ANO2: variants seen among roughly 807,000 people sequenced by gnomAD.
The protein encoded by ANO2 is anoctamin-2.
In ANO2, 101 loss-of-function variants were observed where a neutral mutation model predicts 124.2. The observed-to-expected ratio is 0.81, with a 90% CI of 0.69 to 0.96. The LOEUF (loss-of-function observed/expected upper bound fraction) is 0.96, where lower values mean the gene tolerates loss of function less well. ANO2 is among the 40% of genes least tolerant of loss of function. The probability of loss-of-function intolerance (pLI) is 0.00; values close to 1 mark genes in which losing one functional copy is unlikely to be tolerated. For synonymous variants in ANO2, 486 were observed against 482.5 expected (o/e 1.01, Z -0.09); for missense variants, 1,293 against 1,274.5 (o/e 1.01, Z -0.22).
chr12:5,775,258 GA>G (rs1236910805), intron 10 of ANO2, among the ~76,000 whole-genome samples: 2 of 151,816 alleles, frequency 1.3e-5, no homozygotes, highest in African/African-American at 4.8e-5. Context: ...TAAGAGAATA[GA>G]AATAATTACG....
chr12:5,796,110 C>A (rs1019006960), intron 10 of ANO2, among the ~76,000 whole-genome samples: 1 of 152,088 alleles, frequency 6.6e-6, no homozygotes, highest in African/African-American at 2.4e-5. Context: ...CTCTAGGGAA[C>A]TTTCCAGAGA....
At chr12:5,838,485 A>G (rs1271146615) in intron 4 of ANO2, among the ~76,000 whole-genome samples, 1 of 152,110 alleles carries the variant, frequency 6.6e-6, no homozygotes, top group African/African-American at 2.4e-5. Flanking sequence ...CCACAATAAA[A>G]CACACATAGG....
At position 5,638,852 on chromosome 12, in the gene ANO2, T is replaced by C. The variant is rs574589191; in HGVS notation, c.1621-3505A>G. On this transcript the variant is annotated intron_variant, in intron 15 of 24. Coordinates refer to ENST00000682330, the MANE Select transcript of ANO2 (RefSeq NM_001364791.2). ...TCTGGGACATAAACAAAATGCAACA[T>C]AAGCCAGGCTACAGAGTCCAGAGTC... is the stretch of plus-strand genomic sequence containing the variant. 3.9e-5 allele frequency among the ~76,000 whole-genome samples: 6 copies of C among 152,196 alleles called. No homozygotes were observed. In the East Asian group the frequency reaches 1.2e-3, roughly 30 times the overall value.
At chr12:5,569,588 G>A (rs1232670113) in intron 23 of ANO2, among the ~76,000 whole-genome samples, 1 of 152,168 alleles carries the variant, frequency 6.6e-6, no homozygotes, top group Admixed American at 6.5e-5. Flanking sequence ...CTACCTGTAA[G>A]AGACCGAGGA....
chr12:5,696,316 T>C (rs1187462373), intron 14 of ANO2, among the ~76,000 whole-genome samples: 1 of 152,130 alleles, frequency 6.6e-6, no homozygotes, highest in African/African-American at 2.4e-5. Context: ...AAAGGCAACA[T>C]AATTGCAGAT....
At chr12:5,641,058 G>A (rs1946355083) in intron 15 of ANO2, among the ~76,000 whole-genome samples, 1 of 152,168 alleles carries the variant, frequency 6.6e-6, no homozygotes, top group Admixed American at 6.5e-5. Flanking sequence ...AAATGGATGA[G>A]TTCATGTTCT....
intron 10 of ANO2, among the ~76,000 whole-genome samples, chr12:5,766,849 A>G (rs1010525185): frequency 6.6e-6 from 1 of 152,224 alleles, no homozygotes; most frequent in Non-Finnish European, 1.5e-5. Context: ...CTGCGAGGTG[A>G]GTTCTCATCT....
At chr12:5,903,168 G>A (rs1449044660) in intron 3 of ANO2, among the ~76,000 whole-genome samples, 2 of 151,848 alleles carry the variant, frequency 1.3e-5, no homozygotes, top group Non-Finnish European at 2.9e-5. Flanking sequence ...TGTAAAGCCA[G>A]GCCAGAAGAG....
chr12:5,801,001 T>A (rs1312063815), intron 9 of ANO2, among the ~76,000 whole-genome samples: 1 of 152,068 alleles, frequency 6.6e-6, no homozygotes, highest in Non-Finnish European at 1.5e-5. Flanking sequence ...CCCAGTGATG[T>A]GGAGGAGAAC....
Position 5,612,887 on chromosome 12 carries a change from G to C in ANO2, c.1986+14C>G, listed in dbSNP as rs760120358. 6 of 1,613,876 alleles carry C rather than the reference G, an allele frequency of 3.7e-6. No homozygotes were observed. Among genetic ancestry groups the C allele is most frequent in the Non-Finnish European group, 5.1e-6 (6 of 1,179,782 alleles). On this transcript the variant is annotated intron_variant, in intron 18 of 24. Transcript: ENST00000682330. ...TTGGGGTGCCAGGCATGAAACACCA[G>C]TGGCTGTACTTGCCTCTTCCATGCG...
rs1940875679 is a variant in ANO2 at position 5,909,026 on chromosome 12, G to A, written c.534+12014C>T. Among the ~76,000 whole-genome samples, 4 of 152,174 alleles carry A rather than the reference G, an allele frequency of 2.6e-5. No individual in the cohort carries two copies. The South Asian group carries it at 8.3e-4, about 32-fold the overall frequency. On this transcript the variant is annotated intron_variant, in intron 3 of 24. Transcript: ENST00000682330. The stretch of plus-strand genomic sequence containing the variant: ...GTCCACAAAATAGCAGAGCAGGAAG[G>A]GGCCCTGGAGACTGGTGGGAGCTAG...
At chr12:5,922,587 T>C in intron 2 of ANO2, 33 bp downstream of exon 2, 1 of 1,507,056 alleles carries the variant, frequency 6.6e-7, no homozygotes, top group Non-Finnish European at 8.8e-7. Flanking sequence ...AGGGCTGGCC[T>C]ATCCCCCCAC....
chr12:5,576,858 G>C (rs17784965), intron 22 of ANO2, among the ~76,000 whole-genome samples: 3,469 of 152,306 alleles, frequency 0.023, 49 homozygotes, highest in Non-Finnish European at 0.033. Context: ...AACCATATTT[G>C]AGAGTGAATA....
chr12:5,911,173 C>T (rs143238037), intron 3 of ANO2, among the ~76,000 whole-genome samples: 24 of 152,286 alleles, frequency 1.6e-4, no homozygotes, highest in African/African-American at 5.8e-4. Context: ...GGTCTGCTTC[C>T]CTTGAAAGCA....
In ANO2 at chr12:5,635,394, A is replaced by G; in HGVS notation, c.1621-47T>C. On this transcript the variant is annotated intron_variant, in intron 15 of 24. Transcript: ENST00000682330. This position sits in a 1 kb window ranked among gnomAD's most constrained non-coding sequence, Gnocchi z 5.2. ...AGTACACATCAGCCGGCAATTACCG[A>G]GCACCTACTATTTGCTCTGCCAACA... The G allele has an allele frequency of 1.4e-6, 2 of 1,420,176 alleles. No homozygotes were observed. The highest frequency in any genetic ancestry group is 1.9e-6 in the Non-Finnish European group (2 of 1,074,962). 88.0% of individuals were successfully genotyped at this position (1,420,176 alleles called of 1,614,324 possible). A position where few individuals can be genotyped will look rare whatever the true frequency, so the allele number is the denominator to read the frequency against.
At chr12:5,739,449 A>G (rs747603135) in intron 12 of ANO2, 50 bp from the exon 13 acceptor site, 4 of 1,490,602 alleles carry the variant, frequency 2.7e-6, no homozygotes, top group Non-Finnish European at 3.7e-6. Context: ...TGAAGAGTGG[A>G]TTCTGTACCC....
intron 12 of ANO2, chr12:5,740,874 G>T (rs551912410): frequency 7.2e-5 from 11 of 152,472 alleles, no homozygotes; most frequent in Non-Finnish European, 8.8e-5. Flanking sequence ...CATTACAGCT[G>T]GGTCATCCCC....
At chr12:5,887,840 T>TG (rs1939052093) in intron 3 of ANO2, among the ~76,000 whole-genome samples, 1 of 141,028 alleles carries the variant, frequency 7.1e-6, no homozygotes, top group Non-Finnish European at 1.5e-5. Flanking sequence ...TTTTTTTTTC[T>TG]TTTTTTTTTT....
At chr12:5,820,450 G>A (rs973800313) in intron 7 of ANO2, among the ~76,000 whole-genome samples, 1 of 152,156 alleles carries the variant, frequency 6.6e-6, no homozygotes, top group Non-Finnish European at 1.5e-5. Context: ...ACTTACAGTG[G>A]GTCCAGAGGG....
Sources: gnomAD v4.1 joint callset for allele counts (sites outside exome capture counted in the v4.1 genomes callset) on GRCh38, gnomAD v4.1.1 for gene constraint, Gnocchi (gnomAD v3.1) non-coding constraint, MANE v1.5 for transcripts, NCBI Gene and HGNC (gene_info 2026-07-23, HGNC 2026-07-21) for gene names.